PLEKHG5: variants seen among roughly 807,000 people sequenced by gnomAD.
PLEKHG5 encodes the protein pleckstrin homology and RhoGEF domain containing G5, also known as pleckstrin homology domain-containing family G member 5.
PLEKHG5 carries 52 observed loss-of-function variants against 103.8 expected under a neutral mutation model. That is an observed-to-expected ratio of 0.50 (90% CI 0.40 to 0.63). The LOEUF (loss-of-function observed/expected upper bound fraction) is 0.63. Among genes scored for constraint, PLEKHG5 ranks in the 30% least tolerant of loss-of-function variants. PLEKHG5 has a pLI of 0.00. For synonymous variants in PLEKHG5, 592 were observed against 575.5 expected, an observed-to-expected ratio of 1.03 and a Z score of -0.41; for missense variants, 1,205 against 1,347.6, an observed-to-expected ratio of 0.89 and a Z score of 1.66.
At chr1:6,485,947 T>C (rs1645026405) in intron 1 of PLEKHG5, 2 of 981,618 alleles carry the variant, frequency 2.0e-6, no homozygotes, top group African/African-American at 3.5e-5. Flanking sequence ...GGGAGCTCCT[T>C]GAATGCTGGA....
At chr1:6,471,321 C>G (rs1644577898) in intron 12 of PLEKHG5, 167 bp downstream of exon 12, 1 of 877,834 alleles carries the variant, frequency 1.1e-6, no homozygotes, top group Non-Finnish European at 1.7e-6. Context: ...GAGGCTCAAA[C>G]CCGGGCGACC....
chr1:6,467,608 C>G, intron 20 of PLEKHG5, 36 bp from the exon 21 acceptor site: 1 of 1,610,468 alleles, frequency 6.2e-7, no homozygotes, highest in South Asian at 1.1e-5. Context: ...CCTTCTTTGG[C>G]TGACGCCATT....
chr1:6,485,339 G>C, intron 1 of PLEKHG5: 1 of 1,427,154 alleles, frequency 7.0e-7, no homozygotes, highest in South Asian at 1.4e-5. Flanking sequence ...TATCACCGTC[G>C]CGGGCACGAC....
upstream of PLEKHG5, among the ~76,000 whole-genome samples, chr1:6,494,655 C>T (rs1179803933): frequency 6.6e-6 from 1 of 152,218 alleles, no homozygotes; most frequent in Non-Finnish European, 1.5e-5. Context: ...ACCACTGCCT[C>T]TCCCTTCCTG....
intron 3 of PLEKHG5, 111 bp downstream of exon 3, chr1:6,475,820 C>T (rs939799159): frequency 1.0e-5 from 10 of 954,098 alleles, no homozygotes; most frequent in Admixed American, 1.7e-5. Context: ...AGAGGTCTGC[C>T]CATCAGCCTT....
At chr1:6,497,376 A>G (rs1645243451), upstream of PLEKHG5, 2 of 1,090,522 alleles carry the variant, frequency 1.8e-6, no homozygotes, top group South Asian at 9.1e-5. The surrounding 1 kb of genome is among the most constrained non-coding windows in gnomAD (Gnocchi z 6.1). Context: ...GGCGCCGGGG[A>G]CGCCGGGGAC....
Position 6,486,993 on chromosome 1 carries a change from C to T in PLEKHG5, c.-88+4644G>A, listed in dbSNP as rs1304586152. Reference sequence around the variant, plus strand: ...AGAGGGTGGGAAGGGGGCCAGGGTCCGTGAGATGGCTTTGGGAGGGCAGCA... The same window carrying T: ...AGAGGGTGGGAAGGGGGCCAGGGTCTGTGAGATGGCTTTGGGAGGGCAGCA... On this transcript the variant is annotated intron_variant, in intron 1 of 20. Coordinates refer to ENST00000377728, the MANE Select transcript of PLEKHG5 (RefSeq NM_020631.6). This position sits in a 1 kb window ranked among gnomAD's most constrained non-coding sequence, Gnocchi z 5.3. Among the ~76,000 whole-genome samples, 1 of 152,104 alleles carries T rather than the reference C, an allele frequency of 6.6e-6. No homozygotes were observed. The highest frequency in any genetic ancestry group is 1.5e-5 in the Non-Finnish European group (1 of 68,008).
Position 6,468,549 on chromosome 1 carries a change from C to T in PLEKHG5, c.2287G>A (p.Val763Met), listed in dbSNP as rs1200614909. The stretch of plus-strand genomic sequence containing the variant: ...GACAGCGTGTCCCCAGGCTCTACCA[C>T]AACCATGGCCAGGGTCTCCGTGGAG... ...DGSTETLAMV[V>M]VEPGDTLSSP... Residue 763 changes from valine to methionine, a missense_variant, in exon 20 of 21, where the codon GTG (valine) becomes ATG (methionine). Coordinates refer to ENST00000377728, the MANE Select transcript of PLEKHG5 (RefSeq NM_020631.6). 1.9e-6 allele frequency: 3 copies of T among 1,612,864 alleles called. No homozygotes were observed. Among genetic ancestry groups the T allele is most frequent in the Non-Finnish European group, 2.5e-6 (3 of 1,179,990 alleles).
chr1:6,481,170 C>A (rs569562070), intron 1 of PLEKHG5, among the ~76,000 whole-genome samples: 1 of 152,288 alleles, frequency 6.6e-6, no homozygotes, highest in South Asian at 2.1e-4. Context: ...TAGAGTGGGC[C>A]CTGTTCAAAG....
upstream of PLEKHG5, chr1:6,491,709 C>T: frequency 1.0e-6 from 1 of 985,254 alleles, no homozygotes; most frequent in Non-Finnish European, 1.2e-6. The surrounding 1 kb of genome is among the most constrained non-coding windows in gnomAD (Gnocchi z 4.1). Flanking sequence ...CTCACCACCC[C>T]TCCCTCCACA....
At chr1:6,499,761 G>A (rs1645275489), upstream of PLEKHG5, among the ~76,000 whole-genome samples, 1 of 152,060 alleles carries the variant, frequency 6.6e-6, no homozygotes, top group Non-Finnish European at 1.5e-5. Context: ...AGGTGATAGC[G>A]TACCCTGGAC....
At chr1:6,485,813 T>G in intron 1 of PLEKHG5, 1 of 888,644 alleles carries the variant, frequency 1.1e-6, no homozygotes, top group Non-Finnish European at 1.3e-6. Flanking sequence ...TTCCCACCTC[T>G]GCCTGGCCCG....
At chr1:6,485,717 C>T in intron 1 of PLEKHG5, 1 of 353,292 alleles carries the variant, frequency 2.8e-6, no homozygotes, top group Non-Finnish European at 4.4e-6. Context: ...CGCCTCTGCC[C>T]AGACCCGGGG....
chr1:6,471,149 C>A (rs544642546), intron 12 of PLEKHG5, 49 bp from the exon 13 acceptor site: 11 of 1,436,330 alleles, frequency 7.7e-6, no homozygotes, highest in Admixed American at 2.0e-5. Flanking sequence ...GCGCTCCCTG[C>A]GGGCCGGCCC....
intron 1 of PLEKHG5, among the ~76,000 whole-genome samples, chr1:6,483,058 G>A (rs1042262095): frequency 6.6e-5 from 10 of 152,248 alleles, no homozygotes; most frequent in Admixed American, 5.2e-4. Flanking sequence ...GGTGTCTTAG[G>A]AGCGAGAGGC....
intron 7 of PLEKHG5, 89 bp from the exon 8 acceptor site, chr1:6,473,543 C>G: frequency 9.5e-7 from 1 of 1,050,180 alleles, no homozygotes; most frequent in Non-Finnish European, 1.3e-6. Context: ...TCAGGCCAGC[C>G]TGGGATGGAG....
upstream of PLEKHG5, among the ~76,000 whole-genome samples, chr1:6,496,271 C>G (rs539926443): frequency 6.6e-5 from 10 of 152,332 alleles, no homozygotes; most frequent in East Asian, 1.9e-3. Flanking sequence ...TACTCCACCC[C>G]CCTGTTCTTG....
chr1:6,471,056 C>T lies in PLEKHG5; in HGVS notation c.1326G>A (p.Glu442=). 2 of 1,602,684 alleles carry T rather than the reference C, an allele frequency of 1.2e-6. No homozygotes were observed. Among genetic ancestry groups the T allele is most frequent in the African/African-American group, 1.3e-5 (1 of 74,710 alleles). The change falls in exon 13 of 21, where the codon GAG becomes GAA. Residue 442 remains glutamate (E), a synonymous_variant. Coordinates refer to ENST00000377728, the MANE Select transcript of PLEKHG5 (RefSeq NM_020631.6). ...CGCGCATGTACTCCATGCAGCCCTC[C>T]TCCTCCATGCAGTAGCGGATGTAGG... The part of the protein sequence containing the change: ...FKPYIRYCME[E]EGCMEYMRGL...
At chr1:6,504,782 G>A (rs1382911478) in intron 1 of PLEKHG5, among the ~76,000 whole-genome samples, 1 of 152,082 alleles carries the variant, frequency 6.6e-6, no homozygotes, top group Non-Finnish European at 1.5e-5. Context: ...TGTTAGTCAG[G>A]CTGGTCTCGA....
Sources: allele counts gnomAD v4.1 joint callset (sites outside exome capture counted in the v4.1 genomes callset), GRCh38; gene constraint gnomAD v4.1.1; non-coding constraint Gnocchi (gnomAD v3.1); transcripts MANE v1.5; gene names NCBI Gene and HGNC (gene_info 2026-07-23, HGNC 2026-07-21).